Variants in DTNBP1 observed in about 807,000 individuals in gnomAD.
The protein encoded by DTNBP1 is dystrobrevin binding protein 1, also known as dysbindin.
A neutral mutation model predicts 42.8 loss-of-function variants in DTNBP1; 35 were observed. That is an observed-to-expected ratio of 0.82 (90% CI 0.63 to 1.09). The LOEUF is 1.09. Among genes scored for constraint, DTNBP1 ranks in the 50% least tolerant of loss-of-function variants. The pLI is 0.00. For synonymous variants in DTNBP1, 171 were observed against 162.2 expected, an observed-to-expected ratio of 1.05 and a Z score of -0.41; for missense variants, 457 against 424.2, an observed-to-expected ratio of 1.08 and a Z score of -0.68.
intron 7 of DTNBP1, among the ~76,000 whole-genome samples, chr6:15,539,109 A>C (rs1297275208): frequency 1.3e-5 from 2 of 152,254 alleles, no homozygotes; most frequent in Non-Finnish European, 2.9e-5. Context: ...TACAGTGTCT[A>C]ATACTTAGAA....
intron 5 of DTNBP1, among the ~76,000 whole-genome samples, chr6:15,618,384 G>C (rs1758835154): frequency 6.6e-6 from 1 of 152,076 alleles, no homozygotes; most frequent in Non-Finnish European, 1.5e-5. Flanking sequence ...AAGGGGGGAA[G>C]CGTGGGAAGG....
chr6:15,630,332 T>G (rs1314663674), intron 4 of DTNBP1, among the ~76,000 whole-genome samples: 2 of 152,220 alleles, frequency 1.3e-5, no homozygotes, highest in Non-Finnish European at 2.9e-5. Context: ...TCAACAGGTA[T>G]TTGTGCAGCA....
At chr6:15,557,341 T>C (rs1292567226) in intron 7 of DTNBP1, among the ~76,000 whole-genome samples, 1 of 150,866 alleles carries the variant, frequency 6.6e-6, no homozygotes, top group Non-Finnish European at 1.5e-5. Context: ...TTGTGAAAGG[T>C]TTGTGAAAGA....
Position 15,662,913 on chromosome 6 carries a change from C to T in DTNBP1, c.-44G>A. The T allele has an allele frequency of 6.2e-7, 1 of 1,600,010 alleles. No individual in the cohort carries two copies. The highest frequency in any genetic ancestry group is 8.5e-7 in the Non-Finnish European group (1 of 1,178,720). On this transcript the variant is annotated 5_prime_UTR_variant, in exon 1 of 10. Transcript: ENST00000344537. Reference sequence around the variant, plus strand: ...CCTCTCCTCAGGCCTCGGGCTGCTGCTGCCTCTGTCGCCCCCTGGGTCCCA... The same window carrying T: ...CCTCTCCTCAGGCCTCGGGCTGCTGTTGCCTCTGTCGCCCCCTGGGTCCCA...
intron 7 of DTNBP1, among the ~76,000 whole-genome samples, chr6:15,574,002 G>A (rs1220620056): frequency 6.6e-6 from 1 of 152,198 alleles, no homozygotes; most frequent in Non-Finnish European, 1.5e-5. Context: ...ACCGCGCCCA[G>A]ACTCTCCTTT....
At chr6:15,586,309 T>C (rs1776077786) in intron 7 of DTNBP1, among the ~76,000 whole-genome samples, 1 of 152,168 alleles carries the variant, frequency 6.6e-6, no homozygotes, top group African/African-American at 2.4e-5. Flanking sequence ...TGGAATGTGC[T>C]ATATATTTTT....
intron 4 of DTNBP1, among the ~76,000 whole-genome samples, chr6:15,635,894 T>C (rs989984632): frequency 1.3e-5 from 2 of 152,228 alleles, no homozygotes; most frequent in African/African-American, 2.4e-5. Context: ...CCATCTTTTA[T>C]CTCTTGAAAG....
At chr6:15,583,740 T>C (rs979684603) in intron 7 of DTNBP1, among the ~76,000 whole-genome samples, 3 of 152,250 alleles carry the variant, frequency 2.0e-5, no homozygotes, top group Non-Finnish European at 4.4e-5. Flanking sequence ...ACATTTATGA[T>C]AGACAACAAA....
At chr6:15,651,108 T>C (rs1033885446) in intron 3 of DTNBP1, among the ~76,000 whole-genome samples, 2 of 152,190 alleles carry the variant, frequency 1.3e-5, no homozygotes, top group African/African-American at 2.4e-5. Flanking sequence ...ACAATAGTGA[T>C]CTGTCTGCTC....
At chr6:15,591,152 C>T (rs901904506) in intron 7 of DTNBP1, among the ~76,000 whole-genome samples, 2 of 150,550 alleles carry the variant, frequency 1.3e-5, no homozygotes, top group Non-Finnish European at 2.9e-5. Context: ...TTCTGTGGCA[C>T]AGGCTGGAGT....
chr6:15,556,992 G>A (rs1774561244), intron 7 of DTNBP1, among the ~76,000 whole-genome samples: 1 of 152,254 alleles, frequency 6.6e-6, no homozygotes, highest in South Asian at 2.1e-4. Context: ...TTCTAGATAA[G>A]GCCTGGGGAC....
intron 7 of DTNBP1, among the ~76,000 whole-genome samples, chr6:15,591,865 G>C (rs956321627): frequency 6.6e-6 from 1 of 152,048 alleles, no homozygotes; most frequent in Non-Finnish European, 1.5e-5. Flanking sequence ...GAAGGAAAAG[G>C]CATTTTATAA....
At chr6:15,558,996 T>G (rs931533747) in intron 7 of DTNBP1, among the ~76,000 whole-genome samples, 8 of 152,238 alleles carry the variant, frequency 5.3e-5, no homozygotes, top group Admixed American at 1.3e-4. Context: ...ACTACGGAAA[T>G]GACATTAGAC....
chr6:15,642,315 CAG>C (rs1221506112), intron 3 of DTNBP1, among the ~76,000 whole-genome samples: 1 of 152,196 alleles, frequency 6.6e-6, no homozygotes, highest in Non-Finnish European at 1.5e-5. Flanking sequence ...AGCCTTGTGA[CAG>C]GGGCATGATA....
chr6:15,596,788 T>C (rs1776532319), intron 6 of DTNBP1, among the ~76,000 whole-genome samples: 1 of 152,236 alleles, frequency 6.6e-6, no homozygotes, highest in Non-Finnish European at 1.5e-5. Flanking sequence ...GATAGCTTTA[T>C]GCAAAAGTGG....
At chr6:15,528,644 A>G (rs981883554) in intron 8 of DTNBP1, among the ~76,000 whole-genome samples, 5 of 152,240 alleles carry the variant, frequency 3.3e-5, no homozygotes, top group Non-Finnish European at 1.5e-5. Flanking sequence ...AGTGCCGGCG[A>G]AGATGTAATC....
intron 1 of DTNBP1, among the ~76,000 whole-genome samples, chr6:15,657,799 C>T (rs960706679): frequency 1.3e-5 from 2 of 152,200 alleles, no homozygotes; most frequent in Admixed American, 1.3e-4. Context: ...TTAAGCAAAG[C>T]ATTGAAGATA....
intron 5 of DTNBP1, among the ~76,000 whole-genome samples, chr6:15,617,579 T>C (rs1294653917): frequency 2.0e-5 from 3 of 152,094 alleles, no homozygotes; most frequent in Non-Finnish European, 4.4e-5. Flanking sequence ...CACATATTTA[T>C]AGCCAACCAG....
At chr6:15,607,811 T>C (rs777988204) in intron 6 of DTNBP1, among the ~76,000 whole-genome samples, 1 of 152,202 alleles carries the variant, frequency 6.6e-6, no homozygotes, top group Non-Finnish European at 1.5e-5. Context: ...AATTTTTGCA[T>C]GTTGATAGTA....
Sources: gnomAD v4.1 joint callset for allele counts (sites outside exome capture counted in the v4.1 genomes callset) on GRCh38, gnomAD v4.1.1 for gene constraint, MANE v1.5 for transcripts, NCBI Gene and HGNC (gene_info 2026-07-23, HGNC 2026-07-21) for gene names.